The following LRP1B variants were observed in gnomAD, a reference collection of about 807,000 sequenced individuals.
The protein encoded by LRP1B is low-density lipoprotein receptor-related protein 1B.
A neutral mutation model predicts 556.6 loss-of-function variants in LRP1B; 217 were observed. That is an observed-to-expected ratio of 0.39 (90% CI 0.35 to 0.44). The LOEUF is 0.44. Ranked by LOEUF, LRP1B falls within the 20% of genes least tolerant of loss-of-function variation. LRP1B has a pLI of 1.00. For synonymous variants in LRP1B, 2,047 were observed against 1,865.8 expected, an observed-to-expected ratio of 1.10 and a Z score of -2.50; for missense variants, 5,053 against 5,620.8, an observed-to-expected ratio of 0.90 and a Z score of 3.23.
intron 35 of LRP1B, among the ~76,000 whole-genome samples, chr2:140,759,180 T>A (rs72925901): frequency 0.41 from 61,892 of 151,480 alleles, 12,769 homozygotes; most frequent in South Asian, 0.53. Flanking sequence ...GATTTTTTTT[T>A]AAAAAATAGC....
chr2:141,258,011 T>C (rs1684544473), intron 3 of LRP1B, among the ~76,000 whole-genome samples: 1 of 152,200 alleles, frequency 6.6e-6, no homozygotes, highest in African/African-American at 2.4e-5. Context: ...ACCCAGTGAC[T>C]TTCGTCAAGC....
intron 52 of LRP1B, among the ~76,000 whole-genome samples, chr2:140,507,285 AC>A (rs2104909024): frequency 6.6e-6 from 1 of 152,294 alleles, no homozygotes; most frequent in South Asian, 2.1e-4. Context: ...ACTTATGCCT[AC>A]AGTAATGCTG....
At chr2:142,050,094 T>C (rs1704401153) in intron 1 of LRP1B, among the ~76,000 whole-genome samples, 1 of 152,154 alleles carries the variant, frequency 6.6e-6, no homozygotes, top group South Asian at 2.1e-4. Context: ...TGCTTATCAA[T>C]GTCCTGTTAA....
chr2:141,474,960 C>T (rs1682642407), intron 3 of LRP1B, among the ~76,000 whole-genome samples: 1 of 152,136 alleles, frequency 6.6e-6, no homozygotes, highest in Admixed American at 6.5e-5. Flanking sequence ...GTCACTTTTG[C>T]TAGTGATATA....
intron 2 of LRP1B, among the ~76,000 whole-genome samples, chr2:141,584,534 A>G (rs1687062551): frequency 6.6e-6 from 1 of 152,226 alleles, no homozygotes; most frequent in African/African-American, 2.4e-5. Context: ...TCAAATATTT[A>G]CAACTTTTAA....
At chr2:141,289,381 CAAAAAAAAAAAA>C (rs34784985) in intron 3 of LRP1B, among the ~76,000 whole-genome samples, 2 of 43,446 alleles carry the variant, frequency 4.6e-5, no homozygotes, top group African/African-American at 1.9e-4. Flanking sequence ...GACTCCATCT[CAAAAAAAAAAAA>C]AAAAAAAAAA....
chr2:141,119,497 G>C (rs1378493382), intron 7 of LRP1B, among the ~76,000 whole-genome samples: 2 of 151,488 alleles, frequency 1.3e-5, no homozygotes, highest in South Asian at 2.1e-4. Context: ...CACTCACTTG[G>C]GATATGACTA....
At position 140,875,788 on chromosome 2, in the gene LRP1B, G is replaced by C. The variant is rs541302428; in HGVS notation, c.4170-7525C>G. Among the ~76,000 whole-genome samples the C allele has an allele frequency of 8.5e-5, 13 of 152,204 alleles. No individual in the cohort carries two copies. In the East Asian group the frequency reaches 2.5e-3, roughly 29 times the overall value. ...AATGGTGTTCAGTTTTCTTTGGGCTGTATTTGTATATGTTATTGGTATGTG... is the reference window on the plus strand; with the variant it reads ...AATGGTGTTCAGTTTTCTTTGGGCTCTATTTGTATATGTTATTGGTATGTG... On this transcript the variant is annotated intron_variant, in intron 25 of 90. Transcript: ENST00000389484.
intron 1 of LRP1B, among the ~76,000 whole-genome samples, chr2:142,038,239 C>A (rs1185470712): frequency 3.3e-5 from 5 of 151,494 alleles, no homozygotes; most frequent in Admixed American, 2.0e-4. Context: ...TTGTTGGCAT[C>A]GGTTTTAAAT....
intron 11 of LRP1B, among the ~76,000 whole-genome samples, chr2:141,022,813 A>G (rs1029297312): frequency 6.6e-6 from 1 of 152,088 alleles, no homozygotes; most frequent in East Asian, 1.9e-4. Context: ...ATTTCTTTGT[A>G]TACTTTGGGA....
intron 3 of LRP1B, among the ~76,000 whole-genome samples, chr2:141,339,742 G>A (rs1687985584): frequency 6.8e-6 from 1 of 148,046 alleles, no homozygotes; most frequent in African/African-American, 2.5e-5. Context: ...GCCCAGAGAA[G>A]AGTCATGGTT....
chr2:141,173,336 C>A (rs1680589685), intron 7 of LRP1B, among the ~76,000 whole-genome samples: 1 of 152,072 alleles, frequency 6.6e-6, no homozygotes, highest in African/African-American at 2.4e-5. Flanking sequence ...CTCACATAAA[C>A]CATCTCAGTT....
At chr2:141,641,148 T>C (rs1689315633) in intron 2 of LRP1B, among the ~76,000 whole-genome samples, 1 of 151,844 alleles carries the variant, frequency 6.6e-6, no homozygotes, top group Non-Finnish European at 1.5e-5. Context: ...AAGATCTCTG[T>C]AATATTTAAA....
intron 32 of LRP1B, among the ~76,000 whole-genome samples, chr2:140,781,225 G>C (rs937616017): frequency 1.3e-5 from 2 of 152,142 alleles, no homozygotes; most frequent in Non-Finnish European, 2.9e-5. Flanking sequence ...CAGACAACAG[G>C]CATCTCAAGA....
chr2:140,483,640 A>ATATAT (rs1491228405), intron 59 of LRP1B, among the ~76,000 whole-genome samples: 3 of 70,736 alleles, frequency 4.2e-5, no homozygotes, highest in African/African-American at 1.9e-4. Context: ...ATATATATAT[A>ATATAT]TTTTTTTTTT....
intron 2 of LRP1B, among the ~76,000 whole-genome samples, chr2:141,579,886 G>A (rs1033124606): frequency 2.6e-5 from 4 of 151,938 alleles, no homozygotes; most frequent in African/African-American, 7.3e-5. Flanking sequence ...ATTTTTAGTA[G>A]AGACAGGGTT....
intron 2 of LRP1B, among the ~76,000 whole-genome samples, chr2:141,532,442 T>A (rs1471638314): frequency 6.6e-6 from 1 of 152,084 alleles, no homozygotes; most frequent in Admixed American, 6.6e-5. Context: ...AAAGACATCT[T>A]TTCTTTATTA....
At chr2:141,023,771 C>T (rs944735148) in intron 11 of LRP1B, among the ~76,000 whole-genome samples, 2 of 151,898 alleles carry the variant, frequency 1.3e-5, no homozygotes, top group African/African-American at 2.4e-5. Context: ...GAATTTGAGG[C>T]ATATAATAAG....
Position 142,031,330 on chromosome 2 carries a change from ATT to A in LRP1B, c.82+99316_82+99317del, listed in dbSNP as rs560363480. ...ATTTAGAGAAAGGTTGATTATACTT[ATT>A]TTTTTTTTTTTTTTTTATTATACTC... On this transcript the variant is annotated intron_variant, in intron 1 of 90. Coordinates refer to ENST00000389484, the MANE Select transcript of LRP1B (RefSeq NM_018557.3). 2.3e-3 allele frequency among the ~76,000 whole-genome samples: 272 copies of A among 117,038 alleles called. 15 individuals carry two copies. The highest frequency in any genetic ancestry group is 6.9e-3 in the African/African-American group (234 of 33,946). 76.8% of individuals were successfully genotyped at this position (117,038 alleles called of 152,430 possible). A position where few individuals can be genotyped will look rare whatever the true frequency, so the allele number is the denominator to read the frequency against.
Sources: gnomAD v4.1 joint callset for allele counts (sites outside exome capture counted in the v4.1 genomes callset) on GRCh38, gnomAD v4.1.1 for gene constraint, MANE v1.5 for transcripts, NCBI Gene and HGNC (gene_info 2026-07-23, HGNC 2026-07-21) for gene names.